The following TUBB8B variants were observed in gnomAD, a reference collection of about 807,000 sequenced individuals.
TUBB8B encodes the protein HSA18p11 beta-tubulin 4Q pseudogene.
A neutral mutation model predicts 31.9 loss-of-function variants in TUBB8B; 26 were observed. That is an observed-to-expected ratio of 0.81 (90% CI 0.60 to 1.13). TUBB8B has a LOEUF of 1.13. Among genes scored for constraint, TUBB8B ranks in the 50% most tolerant of loss-of-function variants. The pLI is 0.00. For synonymous variants in TUBB8B, 173 were observed against 231.0 expected (o/e 0.75, Z 2.28); for missense variants, 467 against 586.7 (o/e 0.80, Z 2.11).
At position 48,341 on chromosome 18, in the gene TUBB8B, G is replaced by A. The variant is rs768027524; in HGVS notation, c.384C>T (p.Asp128=). The change falls in exon 4 of 4, where the codon GAC becomes GAT. Residue 128 remains aspartate, a synonymous_variant. Coordinates refer to ENST00000308911, the MANE Select transcript of TUBB8B (RefSeq NM_001358689.2). The stretch of plus-strand genomic sequence containing the variant: ...GGGTCAGCTGGAAACCCTGCAGGCA[G>A]TCACAGCTCTCAGCCTCCTTTCTGA... ...DVVRKEAESC[D]CLQGFQLTHS... 4 of 1,609,940 alleles carry A rather than the reference G, an allele frequency of 2.5e-6. No homozygotes were observed. The South Asian group carries it at 4.4e-5, about 18-fold the overall frequency.
chr18:50,596 G>A (rs1229795529), upstream of TUBB8B: 3 of 152,128 alleles, frequency 2.0e-5, no homozygotes, highest in Non-Finnish European at 2.9e-5. Context: ...CCCTTCTAGG[G>A]TGAAAAGAAT....
At chr18:68,765 G>C in the TUBB8B span, among the ~76,000 whole-genome samples, 1 of 152,130 alleles carries the variant, frequency 6.6e-6, no homozygotes, top group Non-Finnish European at 1.5e-5. Flanking sequence ...GACTGACCAT[G>C]ACCTCCACAC....
the TUBB8B span, among the ~76,000 whole-genome samples, chr18:60,079 G>T: frequency 1.3e-5 from 2 of 151,878 alleles, no homozygotes; most frequent in East Asian, 1.9e-4. Flanking sequence ...TAGCCTCAAA[G>T]AATGAGTTTG....
intron 3 of TUBB8B, 147 bp downstream of exon 3, chr18:48,793 G>A (rs879484857): frequency 5.5e-6 from 4 of 726,110 alleles, no homozygotes; most frequent in Non-Finnish European, 9.9e-6. Flanking sequence ...AGCCCATTTA[G>A]GAGGCAGATG....
the TUBB8B span, among the ~76,000 whole-genome samples, chr18:55,289 C>CG: frequency 1.3e-5 from 2 of 151,526 alleles, no homozygotes; most frequent in African/African-American, 4.8e-5. Context: ...TTAGTGGAGA[C>CG]GGGGTTTCAC....
chr18:64,307 C>T, the TUBB8B span, among the ~76,000 whole-genome samples: 1 of 152,168 alleles, frequency 6.6e-6, no homozygotes, highest in Non-Finnish European at 1.5e-5. Context: ...TACCCCTACA[C>T]ATACTGAAAT....
chr18:65,160 G>T, the TUBB8B span, among the ~76,000 whole-genome samples: 1 of 151,984 alleles, frequency 6.6e-6, no homozygotes, highest in African/African-American at 2.4e-5. Flanking sequence ...AATTAGCCAG[G>T]TGTGGTGGCA....
In TUBB8B at chr18:47,258, T is replaced by TA. The variant is rs1432699945; in HGVS notation, c.*131dup. ...GAATACTTTATTAGTCAAAACCGCA[T>TA]ACTATAAAAATGCTTTAAAACGCAG... On this transcript the variant is annotated 3_prime_UTR_variant, in exon 4 of 4. Transcript: ENST00000308911. 5.5e-5 allele frequency: 31 copies of TA among 565,388 alleles called. 1 individual carries two copies. The highest frequency in any genetic ancestry group is 8.9e-5 in the Non-Finnish European group (29 of 325,192). The allele number at this position is 565,388 out of a possible 1,614,324, so 35.0% of individuals were successfully genotyped here.
the TUBB8B span, among the ~76,000 whole-genome samples, chr18:54,878 A>G: frequency 2.6e-5 from 4 of 151,934 alleles, no homozygotes; most frequent in African/African-American, 7.2e-5. Context: ...GTGAAATGAT[A>G]TCTCATTTTG....
the TUBB8B span, among the ~76,000 whole-genome samples, chr18:65,840 A>G: frequency 1.3e-5 from 2 of 152,190 alleles, no homozygotes; most frequent in African/African-American, 4.8e-5. Flanking sequence ...AAAACTAGTA[A>G]ACTACAACAC....
the TUBB8B span, among the ~76,000 whole-genome samples, chr18:71,654 C>T: frequency 6.8e-6 from 1 of 146,322 alleles, no homozygotes; most frequent in African/African-American, 2.5e-5. Context: ...AAGGCCAAGG[C>T]GGGTGGATCA....
Position 47,732 on chromosome 18 carries a change from G to T in TUBB8B, c.993C>A (p.Phe331Leu). The T allele has an allele frequency of 6.2e-7, 1 of 1,610,904 alleles. No homozygotes were observed. Among genetic ancestry groups the T allele is most frequent in the Non-Finnish European group, 8.5e-7 (1 of 1,178,618 alleles). Residue 331 changes from phenylalanine (F) to leucine (L), a missense_variant, in exon 4 of 4, where the codon TTC becomes TTA. Transcript: ENST00000308911. ...MPMREVDEQMFNIQDKNSSYF... is the reference protein window; with the variant it reads ...MPMREVDEQMLNIQDKNSSYF... ...AGCTGCTGTTCTTATCTTGAATGTT[G>T]AACATTTGTTCATCCACCTCCCTCA...
At chr18:63,595 C>A in the TUBB8B span, among the ~76,000 whole-genome samples, 161 of 150,520 alleles carry the variant, frequency 1.1e-3, 1 homozygote, top group African/African-American at 3.7e-3. Context: ...AACTTGGCTA[C>A]CATATAACTT....
At chr18:63,870 C>T in the TUBB8B span, among the ~76,000 whole-genome samples, 2 of 150,154 alleles carry the variant, frequency 1.3e-5, no homozygotes, top group East Asian at 4.0e-4. Flanking sequence ...AACCACTGAC[C>T]CCAACCCTAG....
chr18:71,005 T>C, the TUBB8B span, among the ~76,000 whole-genome samples: 31 of 151,734 alleles, frequency 2.0e-4, no homozygotes, highest in South Asian at 1.9e-3. Context: ...CCCAGCACTT[T>C]GGGAGGCTGA....
chr18:63,026 T>A, the TUBB8B span, among the ~76,000 whole-genome samples: 1 of 151,848 alleles, frequency 6.6e-6, no homozygotes, highest in Non-Finnish European at 1.5e-5. Context: ...GAATTTTGAA[T>A]TCCTTCTCTG....
rs557803281 is a variant in TUBB8B, at chr18:48,466, G to C, written c.278-19C>G. On this transcript the variant is annotated intron_variant, in intron 3 of 3. Transcript: ENST00000308911. ...CACTGACCTGTAAGACAGCACAGCC[G>C]GTCACTCGACGGCCAGGTATACGGT... 10 of 1,282,338 alleles carry C rather than the reference G, an allele frequency of 7.8e-6. No individual in the cohort carries two copies. The highest frequency in any genetic ancestry group is 3.5e-5 in the Admixed American group (2 of 57,966). 79.4% of individuals were successfully genotyped at this position (1,282,338 alleles called of 1,614,324 possible).
the TUBB8B span, among the ~76,000 whole-genome samples, chr18:57,730 C>T: frequency 4.0e-5 from 6 of 151,884 alleles, no homozygotes; most frequent in East Asian, 1.9e-4. Context: ...TACATTTCTT[C>T]ACTGCATTGT....
chr18:70,752 G>C, the TUBB8B span, among the ~76,000 whole-genome samples: 1 of 151,968 alleles, frequency 6.6e-6, no homozygotes, highest in Non-Finnish European at 1.5e-5. Flanking sequence ...TGGAGTTCAA[G>C]ACAAGCCTGA....
Sources: gnomAD v4.1 joint callset for allele counts (sites outside exome capture counted in the v4.1 genomes callset) on GRCh38, gnomAD v4.1.1 for gene constraint, MANE v1.5 for transcripts, NCBI Gene and HGNC (gene_info 2026-07-23, HGNC 2026-07-21) for gene names.